The following RPS6KA2 variants were observed in gnomAD, a reference collection of about 807,000 sequenced individuals.
RPS6KA2 encodes the protein ribosomal protein S6 kinase A2.
Under a neutral mutation model 91.8 loss-of-function variants are expected in RPS6KA2, and 42 were observed. That is an observed-to-expected ratio of 0.46 (90% CI 0.36 to 0.59). The LOEUF (loss-of-function observed/expected upper bound fraction) is 0.59, where lower values mean the gene tolerates loss of function less well. Among genes scored for constraint, RPS6KA2 ranks in the 20% least tolerant of loss-of-function variants. The pLI is 0.00. For missense variants in RPS6KA2, 798 were observed against 978.5 expected, an observed-to-expected ratio of 0.82 and a Z score of 2.46; for synonymous variants, 414 against 393.6, an observed-to-expected ratio of 1.05 and a Z score of -0.61.
At chr6:166,534,879 C>T (rs1783430771) in intron 2 of RPS6KA2, among the ~76,000 whole-genome samples, 1 of 152,206 alleles carries the variant, frequency 6.6e-6, no homozygotes, top group Non-Finnish European at 1.5e-5. Context: ...GGGAACGGCA[C>T]CTTGAGACGA....
At position 166,500,975 on chromosome 6, in the gene RPS6KA2, C is replaced by T. The variant is rs766096711; in HGVS notation, c.567-51G>A. 2.0e-5 allele frequency: 32 copies of T among 1,566,354 alleles called. No homozygotes were observed. The highest frequency in any genetic ancestry group is 2.7e-5 in the African/African-American group (2 of 73,892). Reference sequence around the variant, plus strand: ...TGCTTTAGAAAGAGACCCAGCCTGCCGACGGGCACGCAGAGCTCAGAGGAG... The same window carrying T: ...TGCTTTAGAAAGAGACCCAGCCTGCTGACGGGCACGCAGAGCTCAGAGGAG... On this transcript the variant is annotated intron_variant, in intron 6 of 20. Coordinates refer to ENST00000265678, the MANE Select transcript of RPS6KA2 (RefSeq NM_021135.6). The surrounding 1 kb of genome is among the most constrained non-coding windows in gnomAD (Gnocchi z 4.3).
chr6:166,519,981 T>C (rs1039109679), intron 3 of RPS6KA2, among the ~76,000 whole-genome samples: 1 of 152,128 alleles, frequency 6.6e-6, no homozygotes, highest in African/African-American at 2.4e-5. Context: ...ACATTTGAAT[T>C]GGTGGACTGA....
chr6:166,579,117 G>A (rs952602384), intron 1 of RPS6KA2, among the ~76,000 whole-genome samples: 2 of 152,160 alleles, frequency 1.3e-5, no homozygotes, highest in African/African-American at 4.8e-5. Context: ...AGACAGCCCC[G>A]AGCCACCGCC....
In RPS6KA2 at chr6:166,737,911, T is replaced by C. The variant is rs143891075; in HGVS notation, c.123+120289A>G. 6.7e-3 allele frequency among the ~76,000 whole-genome samples: 1,019 copies of C among 152,342 alleles called. 8 individuals are homozygous for C. Among genetic ancestry groups the C allele is most frequent in the Non-Finnish European group, 0.01 (713 of 68,026 alleles). The stretch of plus-strand genomic sequence containing the variant: ...TTCTCATTGTGAAAGAAATAAAACA[T>C]ACAGAAAAGTATACAAAGTAAAATA... On this transcript the variant is annotated intron_variant, in intron 2 of 21. Transcript: ENST00000503859. This position sits in a 1 kb window ranked among gnomAD's most constrained non-coding sequence, Gnocchi z 4.3.
In RPS6KA2 at chr6:166,504,471, C is replaced by T. The variant is rs369870590; in HGVS notation, c.566+35G>A. On this transcript the variant is annotated intron_variant, in intron 6 of 20. Transcript: ENST00000265678. Reference sequence around the variant, plus strand: ...CAGGAAAATACATGGAGCTGATGGGCGTGGGGAAGTCAGCCCTAGTTTTTT... The same window carrying T: ...CAGGAAAATACATGGAGCTGATGGGTGTGGGGAAGTCAGCCCTAGTTTTTT... 1.9e-5 allele frequency: 24 copies of T among 1,245,372 alleles called. No individual in the cohort carries two copies. The East Asian group carries it at 2.1e-4, about 11-fold the overall frequency. 77.1% of individuals were successfully genotyped at this position (1,245,372 alleles called of 1,614,324 possible).
intron 2 of RPS6KA2, among the ~76,000 whole-genome samples, chr6:166,676,317 CAAA>C (rs34321063): frequency 7.9e-5 from 10 of 127,352 alleles, no homozygotes; most frequent in Admixed American, 8.1e-5. Flanking sequence ...GACTCTGTCT[CAAA>C]AAAAAAAAAA....
chr6:166,797,898 G>C (rs770929861), intron 2 of RPS6KA2, among the ~76,000 whole-genome samples: 1 of 152,134 alleles, frequency 6.6e-6, no homozygotes, highest in Non-Finnish European at 1.5e-5. Context: ...AGTTGTGCTG[G>C]TCAAGGGAGG....
rs888837006 is a variant in RPS6KA2 at position 166,750,720 on chromosome 6, C to T, written c.123+107480G>A. Among the ~76,000 whole-genome samples the T allele has an allele frequency of 3.3e-5, 5 of 152,142 alleles. No individual in the cohort carries two copies. The South Asian group carries it at 6.2e-4, about 19-fold the overall frequency. On this transcript the variant is annotated intron_variant, in intron 2 of 21. Coordinates refer to the RPS6KA2 transcript ENST00000503859. ...GTGTCATTGGTCTGGGACATTGCCA[C>T]GGAAGTCTCCAGCCCTCATGCACCA... is the stretch of plus-strand genomic sequence containing the variant.
chr6:166,505,419 A>G (rs773385466), intron 5 of RPS6KA2, among the ~76,000 whole-genome samples: 1 of 152,182 alleles, frequency 6.6e-6, no homozygotes, highest in Non-Finnish European at 1.5e-5. Flanking sequence ...GACTTGTTAG[A>G]ATCAGCACAT....
intron 10 of RPS6KA2, 78 bp from the exon 11 acceptor site, chr6:166,469,983 A>T: frequency 7.6e-7 from 1 of 1,324,274 alleles, no homozygotes; most frequent in Non-Finnish European, 1.1e-6. Context: ...AGCAGTGTGG[A>T]GGGTGGGGAT....
At position 166,494,441 on chromosome 6, in the gene RPS6KA2, C is replaced by T. The variant is rs28667899; in HGVS notation, c.748-3700G>A. Among the ~76,000 whole-genome samples the T allele has an allele frequency of 1.8e-4, 28 of 152,268 alleles. No individual in the cohort carries two copies. Among genetic ancestry groups the T allele is most frequent in the African/African-American group, 4.3e-4 (18 of 41,548 alleles). On this transcript the variant is annotated intron_variant, in intron 8 of 20. Transcript: ENST00000265678. This position sits in a 1 kb window ranked among gnomAD's most constrained non-coding sequence, Gnocchi z 5.1. ...AGGACACATCACATGGCACCTGAGG[C>T]GGGATGTCCAGAACATTCCGTGCCC...
intron 2 of RPS6KA2, among the ~76,000 whole-genome samples, chr6:166,818,016 C>A (rs984424125): frequency 6.6e-6 from 1 of 152,216 alleles, no homozygotes; most frequent in East Asian, 1.9e-4. Flanking sequence ...AGCCACTGCG[C>A]CCGGCCCGGC....
chr6:166,468,693 C>T (rs1780631179), intron 11 of RPS6KA2, among the ~76,000 whole-genome samples: 1 of 151,656 alleles, frequency 6.6e-6, no homozygotes, highest in East Asian at 1.9e-4. Flanking sequence ...GAAACCCTGT[C>T]TCTACTAAAA....
chr6:166,476,982 C>A (rs1781001338), intron 10 of RPS6KA2, among the ~76,000 whole-genome samples: 1 of 152,172 alleles, frequency 6.6e-6, no homozygotes, highest in Non-Finnish European at 1.5e-5. Context: ...CAATTCCAGG[C>A]TCTTTTGGAG....
intron 10 of RPS6KA2, among the ~76,000 whole-genome samples, chr6:166,474,611 T>C (rs1780893820): frequency 7.2e-6 from 1 of 138,464 alleles, no homozygotes; most frequent in Non-Finnish European, 1.5e-5. Context: ...CAAACTCCTG[T>C]CCTGGGGGGG....
In RPS6KA2 at chr6:166,419,765, T is replaced by C; in HGVS notation, c.1820+117A>G. The C allele has an allele frequency of 2.5e-6, 2 of 806,854 alleles. No homozygotes were observed. The highest frequency in any genetic ancestry group is 1.5e-5 in the South Asian group (1 of 66,846). The allele number at this position is 806,854 out of a possible 1,614,324, so 50.0% of individuals were successfully genotyped here. ...AGGCCTGGGAGTGTTTGCATACACGTTGGGTTTGCCCACATGCGCACACTA... is the reference window on the plus strand; with the variant it reads ...AGGCCTGGGAGTGTTTGCATACACGCTGGGTTTGCCCACATGCGCACACTA... On this transcript the variant is annotated intron_variant, in intron 18 of 20. Transcript: ENST00000265678. This position sits in a 1 kb window ranked among gnomAD's most constrained non-coding sequence, Gnocchi z 5.6.
At chr6:166,816,305 G>T (rs979200859) in intron 2 of RPS6KA2, among the ~76,000 whole-genome samples, 2 of 151,052 alleles carry the variant, frequency 1.3e-5, no homozygotes, top group Non-Finnish European at 2.9e-5. Context: ...TAGCACTTTG[G>T]GAGGCCAAGG....
rs1285505748 is a variant in RPS6KA2, at chr6:166,825,838, C to T, written c.123+32362G>A. ...CACCTTGAGGGTTAGGATTTCAACA[C>T]GAATTCTGGGAGAGACACAAGCATT... is the stretch of plus-strand genomic sequence containing the variant. On this transcript the variant is annotated intron_variant, in intron 2 of 21. Transcript: ENST00000503859. The surrounding 1 kb of genome is among the most constrained non-coding windows in gnomAD (Gnocchi z 4.1). Among the ~76,000 whole-genome samples the T allele has an allele frequency of 1.3e-5, 2 of 152,150 alleles. No homozygotes were observed. The highest frequency in any genetic ancestry group is 6.5e-5 in the Admixed American group (1 of 15,278).
chr6:166,830,141 AGAAAG>A (rs1355953930), intron 2 of RPS6KA2, among the ~76,000 whole-genome samples: 3 of 25,390 alleles, frequency 1.2e-4, no homozygotes, highest in African/African-American at 3.4e-4. Flanking sequence ...AAAAAAAAAA[AGAAAG>A]AAAGAAAGAA....
Sources: gnomAD v4.1 joint callset for allele counts (sites outside exome capture counted in the v4.1 genomes callset) on GRCh38, gnomAD v4.1.1 for gene constraint, Gnocchi (gnomAD v3.1) non-coding constraint, MANE v1.5 for transcripts, NCBI Gene and HGNC (gene_info 2026-07-23, HGNC 2026-07-21) for gene names.